Variants in EYS observed in about 807,000 individuals in gnomAD.
EYS encodes the protein EGF-like photoreceptor maintenance factor, also known as protein eyes shut homolog.
EYS carries 250 observed loss-of-function variants against 282.1 expected under a neutral mutation model. That is an observed-to-expected ratio of 0.89 (90% CI 0.80 to 0.98). The LOEUF (loss-of-function observed/expected upper bound fraction) is 0.98. EYS is among the 50% of genes least tolerant of loss of function. The probability of loss-of-function intolerance (pLI) is 0.00; values close to 1 mark genes in which losing one functional copy is unlikely to be tolerated. For missense variants in EYS, 4,016 were observed against 3,709.0 expected, an observed-to-expected ratio of 1.08 and a Z score of -2.15; for synonymous variants, 1,355 against 1,282.9, an observed-to-expected ratio of 1.06 and a Z score of -1.20.
intron 22 of EYS, among the ~76,000 whole-genome samples, chr6:64,697,869 G>A (rs1770638456): frequency 6.6e-6 from 1 of 152,140 alleles, no homozygotes; most frequent in African/African-American, 2.4e-5. Flanking sequence ...TTGAACCTGG[G>A]AGGCTGAGGT....
Position 64,822,690 on chromosome 6 carries a change from T to C in EYS, c.3125A>G (p.Asn1042Ser). ...SGFFGTHCETNANDCLSNPCL... is the reference protein window; with the variant it reads ...SGFFGTHCETSANDCLSNPCL... The stretch of plus-strand genomic sequence containing the variant: ...AGGATTTGAAAGGCAATCATTGGCG[T>C]TTGTTTCACAGTGTGTTCCAAAAAA... Residue 1042 changes from asparagine to serine, a missense_variant, in exon 20 of 43, where the codon AAC becomes AGC. Coordinates refer to ENST00000503581, the MANE Select transcript of EYS (RefSeq NM_001142800.2). The C allele has an allele frequency of 6.5e-7, 1 of 1,546,256 alleles. No homozygotes were observed. Among genetic ancestry groups the C allele is most frequent in the Admixed American group, 2.0e-5 (1 of 50,244 alleles).
intron 37 of EYS, among the ~76,000 whole-genome samples, chr6:63,805,631 C>G (rs1461120511): frequency 6.6e-6 from 1 of 152,186 alleles, no homozygotes; most frequent in Non-Finnish European, 1.5e-5. Flanking sequence ...TGTTCCCACG[C>G]AAACCTCATC....
At position 64,171,743 on chromosome 6, in the gene EYS, G is replaced by C. The variant is rs1439713557; in HGVS notation, c.6424+58849C>G. 5.9e-5 allele frequency among the ~76,000 whole-genome samples: 9 copies of C among 152,110 alleles called. No homozygotes were observed. In the East Asian group the frequency reaches 1.7e-3, roughly 29 times the overall value. On this transcript the variant is annotated intron_variant, in intron 31 of 42. Transcript: ENST00000503581. ...ATAGATTAAAAAAAAGTTTTAGATG[G>C]GTTTTATTGGGGAGTTGGGTTTATT...
intron 26 of EYS, among the ~76,000 whole-genome samples, chr6:64,584,048 C>A (rs575090477): frequency 6.6e-6 from 1 of 152,006 alleles, no homozygotes; most frequent in South Asian, 2.1e-4. Flanking sequence ...GAATATATTT[C>A]TCAAAATTCT....
intron 7 of EYS, among the ~76,000 whole-genome samples, chr6:65,392,041 G>C (rs1200562766): frequency 6.6e-6 from 1 of 152,020 alleles, no homozygotes; most frequent in East Asian, 1.9e-4. Context: ...TCTGATCTTT[G>C]ACAAACCTGA....
rs116467374 is a variant in EYS at position 65,152,866 on chromosome 6, A to G, written c.2024-95139T>C. On this transcript the variant is annotated intron_variant, in intron 12 of 42. Coordinates refer to ENST00000503581, the MANE Select transcript of EYS (RefSeq NM_001142800.2). Reference sequence around the variant, plus strand: ...AAATATTTTCATGGCTTTAGATTTTATGTAACATACACCCTGATGCTGCTC... The same window carrying G: ...AAATATTTTCATGGCTTTAGATTTTGTGTAACATACACCCTGATGCTGCTC... Among the ~76,000 whole-genome samples, 1,490 of 151,666 alleles carry G rather than the reference A, an allele frequency of 9.8e-3. 25 individuals are homozygous for G. Among genetic ancestry groups the G allele is most frequent in the African/African-American group, 0.034 (1,408 of 41,480 alleles).
chr6:65,684,366 C>T (rs75287117), intron 1 of EYS, among the ~76,000 whole-genome samples: 2,532 of 152,090 alleles, frequency 0.017, 77 homozygotes, highest in African/African-American at 0.058. Flanking sequence ...TGTGGCACTT[C>T]CTCTGTCAGA....
intron 22 of EYS, among the ~76,000 whole-genome samples, chr6:64,802,017 C>CTTTTTTTTTTTTGTTTTT (rs1157712956): frequency 1.7e-5 from 1 of 57,640 alleles, no homozygotes; most frequent in Non-Finnish European, 3.6e-5. Flanking sequence ...TAACAAATTT[C>CTTTTTTTTTTTTGTTTTT]TTTTTCTTTT....
At chr6:65,154,955 T>G (rs1327011389) in intron 12 of EYS, among the ~76,000 whole-genome samples, 1 of 151,478 alleles carries the variant, frequency 6.6e-6, no homozygotes, top group Non-Finnish European at 1.5e-5. Flanking sequence ...ACAGGAAAAA[T>G]TAAAATGCCA....
intron 33 of EYS, among the ~76,000 whole-genome samples, chr6:64,063,890 T>A: frequency 6.6e-6 from 1 of 151,966 alleles, no homozygotes; most frequent in East Asian, 1.9e-4. Context: ...CCACCATGCC[T>A]AATTTTTTTG....
chr6:64,433,416 G>T (rs1300318001), intron 28 of EYS, among the ~76,000 whole-genome samples: 1 of 151,748 alleles, frequency 6.6e-6, no homozygotes, highest in Non-Finnish European at 1.5e-5. Context: ...TTTTCCCCAG[G>T]ACTATATTTT....
At chr6:65,602,650 G>T (rs1166250633) in intron 2 of EYS, among the ~76,000 whole-genome samples, 1 of 151,854 alleles carries the variant, frequency 6.6e-6, no homozygotes, top group Non-Finnish European at 1.5e-5. Context: ...AAATAAAAAA[G>T]ACAAAAACTA....
chr6:63,885,774 A>G (rs1773247003), intron 35 of EYS, among the ~76,000 whole-genome samples: 1 of 152,110 alleles, frequency 6.6e-6, no homozygotes, highest in South Asian at 2.1e-4. Flanking sequence ...TCTCCATAAT[A>G]TTCCCTTTGC....
chr6:65,558,288 G>A (rs564627902), intron 2 of EYS, among the ~76,000 whole-genome samples: 18 of 152,328 alleles, frequency 1.2e-4, no homozygotes, highest in African/African-American at 3.6e-4. Flanking sequence ...GGGTCAAGGC[G>A]GCAGTAGGGG....
chr6:64,767,912 G>T (rs994763460), intron 22 of EYS, among the ~76,000 whole-genome samples: 1 of 151,996 alleles, frequency 6.6e-6, no homozygotes, highest in Admixed American at 6.6e-5. Flanking sequence ...TGGTGTATGA[G>T]CTCCCCCTGT....
At chr6:65,630,517 T>TA (rs1209146401) in intron 2 of EYS, among the ~76,000 whole-genome samples, 7 of 152,216 alleles carry the variant, frequency 4.6e-5, no homozygotes, top group Non-Finnish European at 1.0e-4. Context: ...AATATTTATC[T>TA]AAAAAAATTT....
At chr6:65,298,983 A>G (rs1256741825) in intron 11 of EYS, among the ~76,000 whole-genome samples, 1 of 152,086 alleles carries the variant, frequency 6.6e-6, no homozygotes, top group Non-Finnish European at 1.5e-5. Context: ...GTACAAATAT[A>G]TCAGTGGATT....
At chr6:64,700,058 G>T (rs913641319) in intron 22 of EYS, among the ~76,000 whole-genome samples, 7 of 151,936 alleles carry the variant, frequency 4.6e-5, no homozygotes, top group African/African-American at 1.7e-4. Context: ...TTTTATTCCA[G>T]GGAACCAAGG....
intron 12 of EYS, among the ~76,000 whole-genome samples, chr6:65,191,418 C>G (rs1043190915): frequency 1.3e-5 from 2 of 151,820 alleles, no homozygotes; most frequent in African/African-American, 4.8e-5. Flanking sequence ...GCCACTCCTA[C>G]AACAGATAAA....
Sources: allele counts gnomAD v4.1 joint callset (sites outside exome capture counted in the v4.1 genomes callset), GRCh38; gene constraint gnomAD v4.1.1; transcripts MANE v1.5; gene names NCBI Gene and HGNC (gene_info 2026-07-23, HGNC 2026-07-21).